Variants in SPEF2 observed in about 807,000 individuals in gnomAD.
The protein encoded by SPEF2 is sperm flagella and cilia-associated protein 2.
A neutral mutation model predicts 224.6 loss-of-function variants in SPEF2; 187 were observed. The ratio of observed to expected loss-of-function variants is 0.83; its 90% CI spans 0.74 to 0.94. The LOEUF (loss-of-function observed/expected upper bound fraction) is 0.94, where lower values mean the gene tolerates loss of function less well. Among genes scored for constraint, SPEF2 ranks in the 40% least tolerant of loss-of-function variants. The pLI, the probability that SPEF2 is intolerant of heterozygous loss-of-function variation, is 0.00. For synonymous variants in SPEF2, 715 were observed against 707.3 expected (o/e 1.01, Z -0.17); for missense variants, 2,170 against 2,135.6 (o/e 1.02, Z -0.32).
At chr5:35,668,251 A>G (rs1750790448) in intron 9 of SPEF2, among the ~76,000 whole-genome samples, 1 of 152,184 alleles carries the variant, frequency 6.6e-6, no homozygotes, top group Non-Finnish European at 1.5e-5. Flanking sequence ...TAAAACTGAT[A>G]ACAATCCAGA....
intron 10 of SPEF2, among the ~76,000 whole-genome samples, chr5:35,675,107 G>A (rs1168558219): frequency 6.6e-6 from 1 of 152,162 alleles, no homozygotes; most frequent in Non-Finnish European, 1.5e-5. Flanking sequence ...CAGATATGGA[G>A]GAATACAGCT....
At chr5:35,779,469 C>G (rs925419767) in intron 30 of SPEF2, 123 bp downstream of exon 30, 1 of 690,314 alleles carries the variant, frequency 1.4e-6, no homozygotes, top group East Asian at 2.7e-5. Flanking sequence ...CATGCCCTTG[C>G]TTTGTTCTAG....
intron 21 of SPEF2, 33 bp from the exon 22 acceptor site, chr5:35,739,886 A>G: frequency 6.2e-7 from 1 of 1,606,382 alleles, no homozygotes; most frequent in Non-Finnish European, 8.5e-7. Flanking sequence ...TTTCATTTTG[A>G]AGTAACAGTT....
chr5:35,667,243 C>T lies in SPEF2; in HGVS notation c.1339C>T (p.Arg447Ter), dbSNP rs147855827. Residue 447 changes from arginine to a stop codon, truncating the protein, a stop_gained, in exon 9 of 37, where the codon CGA becomes TGA. Coordinates refer to ENST00000356031, the MANE Select transcript of SPEF2 (RefSeq NM_024867.4). LOFTEE classifies it high-confidence loss of function. ...TTTGTCCACTAAAGTGGCAGACTAT[C>T]GAATGTTGACAAATAAGTAAGTATT... ...VDLSTKVADYRMLTNNLIPYK... is the reference protein window; with the variant it reads ...VDLSTKVADY The T allele has an allele frequency of 3.1e-6, 5 of 1,594,912 alleles. No homozygotes were observed. Among genetic ancestry groups the T allele is most frequent in the East Asian group, 2.3e-5 (1 of 44,340 alleles).
intron 2 of SPEF2, among the ~76,000 whole-genome samples, chr5:35,631,656 T>A (rs1204127666): frequency 6.6e-6 from 1 of 152,188 alleles, no homozygotes; most frequent in Non-Finnish European, 1.5e-5. Context: ...AACACAACGT[T>A]CATAGCAGAT....
At chr5:35,685,339 G>A (rs1753442432) in intron 10 of SPEF2, among the ~76,000 whole-genome samples, 1 of 151,912 alleles carries the variant, frequency 6.6e-6, no homozygotes, top group African/African-American at 2.4e-5. Context: ...AGAAATTCTG[G>A]CACCAAACCA....
At chr5:35,787,881 A>G in intron 30 of SPEF2, 1 of 579,012 alleles carries the variant, frequency 1.7e-6, no homozygotes, top group Non-Finnish European at 3.1e-6. Flanking sequence ...AATCCTTCGG[A>G]TGGTGTGAAT....
intron 30 of SPEF2, chr5:35,788,824 T>C: frequency 1.4e-6 from 1 of 702,946 alleles, no homozygotes; most frequent in Non-Finnish European, 2.6e-6. Flanking sequence ...CTCTGTACAA[T>C]GATGTCAAAG....
At position 35,739,919 on chromosome 5, in the gene SPEF2, G is replaced by A; in HGVS notation, c.3064G>A (p.Glu1022Lys). The change falls in exon 22 of 37, where the codon GAA becomes AAA. Residue 1022 changes from glutamate (E) to lysine (K), a missense_variant and splice_region_variant. Transcript: ENST00000356031. The part of the protein sequence containing the change: ...WVYVNEPVPE[E>K]MPLFLVPYWE... ...GTTTCTACACTTTACCATTTAACAGGAAATGCCTTTGTTTTTAGTACCTTA... is the reference window on the plus strand; with the variant it reads ...GTTTCTACACTTTACCATTTAACAGAAAATGCCTTTGTTTTTAGTACCTTA... 1.9e-6 allele frequency: 3 copies of A among 1,612,926 alleles called. No individual in the cohort carries two copies. The highest frequency in any genetic ancestry group is 2.5e-6 in the Non-Finnish European group (3 of 1,179,766).
At chr5:35,637,179 A>G (rs993953597) in intron 2 of SPEF2, among the ~76,000 whole-genome samples, 1 of 152,102 alleles carries the variant, frequency 6.6e-6, no homozygotes, top group Non-Finnish European at 1.5e-5. Flanking sequence ...GCAAACTAAA[A>G]TGACAAAAAG....
chr5:35,695,201 GT>G (rs1755119752), intron 13 of SPEF2, among the ~76,000 whole-genome samples: 1 of 148,694 alleles, frequency 6.7e-6, no homozygotes, highest in African/African-American at 2.5e-5. Flanking sequence ...TATTATAAGT[GT>G]TTTATTACAT....
chr5:35,805,849 G>T (rs1757985804), intron 34 of SPEF2, among the ~76,000 whole-genome samples: 2 of 151,946 alleles, frequency 1.3e-5, no homozygotes, highest in Admixed American at 1.3e-4. Context: ...TCTATCATGA[G>T]TGTTTTCTTG....
chr5:35,661,920 A>G (rs1749798342), intron 8 of SPEF2, among the ~76,000 whole-genome samples: 1 of 152,146 alleles, frequency 6.6e-6, no homozygotes, highest in African/African-American at 2.4e-5. Context: ...AGAATGATTT[A>G]TATTCCTTTG....
intron 1 of SPEF2, among the ~76,000 whole-genome samples, chr5:35,623,695 G>T (rs1743829500): frequency 6.6e-6 from 1 of 152,198 alleles, no homozygotes; most frequent in African/African-American, 2.4e-5. Flanking sequence ...GTATATGAAT[G>T]CCAGGAATTG....
rs566549308 is a variant in SPEF2 at position 35,772,289 on chromosome 5, A to C, written c.3949+533A>C. On this transcript the variant is annotated intron_variant, in intron 27 of 36. Coordinates refer to ENST00000356031, the MANE Select transcript of SPEF2 (RefSeq NM_024867.4). ...ACATTACCCTCCCCCTCTGAAGTGG[A>C]ATCCTGGGAAGCAAATGAGCAGAAC... is the stretch of plus-strand genomic sequence containing the variant. Among the ~76,000 whole-genome samples the C allele has an allele frequency of 2.6e-5, 4 of 152,296 alleles. No individual in the cohort carries two copies. In the East Asian group the frequency reaches 5.8e-4, roughly 22 times the overall value.
chr5:35,706,991 C>T (rs1045962582), intron 18 of SPEF2, among the ~76,000 whole-genome samples: 2 of 152,168 alleles, frequency 1.3e-5, no homozygotes, highest in African/African-American at 4.8e-5. Context: ...TTAGACTCAA[C>T]TTCAACATTT....
intron 16 of SPEF2, among the ~76,000 whole-genome samples, chr5:35,701,816 AAAAAAT>A (rs1738702006): frequency 6.6e-6 from 1 of 152,120 alleles, no homozygotes; most frequent in Non-Finnish European, 1.5e-5. Flanking sequence ...CTGTCTCTAC[AAAAAAT>A]AAAAATATTA....
At chr5:35,793,128 T>C (rs747702479) in intron 31 of SPEF2, 31 bp from the exon 32 acceptor site, 1 of 1,588,082 alleles carries the variant, frequency 6.3e-7, no homozygotes, top group South Asian at 1.1e-5. Flanking sequence ...TTCATGTAGA[T>C]ATTCCAAAGA....
chr5:35,708,534 C>A (rs1210875224), intron 18 of SPEF2, among the ~76,000 whole-genome samples: 1 of 131,552 alleles, frequency 7.6e-6, no homozygotes, highest in Admixed American at 7.8e-5. Context: ...CCCATGCCAA[C>A]CACCACCATC....
Sources: gnomAD v4.1 joint callset for allele counts (sites outside exome capture counted in the v4.1 genomes callset) on GRCh38, gnomAD v4.1.1 for gene constraint, MANE v1.5 for transcripts, NCBI Gene and HGNC (gene_info 2026-07-23, HGNC 2026-07-21) for gene names.